GAL3ST4: variants seen among roughly 807,000 people sequenced by gnomAD.
The protein encoded by GAL3ST4 is beta-galactose-3-O-sulfotransferase 4.
A neutral mutation model predicts 31.6 loss-of-function variants in GAL3ST4; 30 were observed. The observed-to-expected ratio is 0.95, with a 90% confidence interval of 0.71 to 1.29. The LOEUF is 1.29. Ranked by LOEUF, GAL3ST4 falls within the 50% of genes most tolerant of loss-of-function variation. The probability of loss-of-function intolerance (pLI) is 0.00; values close to 1 mark genes in which losing one functional copy is unlikely to be tolerated. For missense variants in GAL3ST4, 629 were observed against 625.2 expected, an observed-to-expected ratio of 1.01 and a Z score of -0.06; for synonymous variants, 248 against 256.9, an observed-to-expected ratio of 0.97 and a Z score of 0.33.
Position 100,159,551 on chromosome 7 carries a change from T to G in GAL3ST4, c.*377A>C, listed in dbSNP as rs1451923619. 1 of 178,852 alleles carries G rather than the reference T, an allele frequency of 5.6e-6. No individual in the cohort carries two copies. Among genetic ancestry groups the G allele is most frequent in the Non-Finnish European group, 1.2e-5 (1 of 82,814 alleles). The allele number at this position is 178,852 out of a possible 1,614,324, so 11.1% of individuals were successfully genotyped here. ...CAGCCTAACCAACATGTTGAATCCCTGTCTCTAAAAATATAAAAATTAGCC... is the reference window on the plus strand; with the variant it reads ...CAGCCTAACCAACATGTTGAATCCCGGTCTCTAAAAATATAAAAATTAGCC... On this transcript the variant is annotated 3_prime_UTR_variant, in exon 4 of 4. Coordinates refer to ENST00000360039, the MANE Select transcript of GAL3ST4 (RefSeq NM_024637.5).
In GAL3ST4 at chr7:100,160,200, G is replaced by C; in HGVS notation, c.1189C>G (p.Arg397Gly). ...TTCGCTAGGGCCTCTCGGCGAGCCC[G>C]GAGCTCGGCCACAGCTGTCTGCAGC... is the stretch of plus-strand genomic sequence containing the variant. ...GRLQTAVAELRARREALAKHC... is the reference protein window; with the variant it reads ...GRLQTAVAELGARREALAKHC... Residue 397 changes from arginine (R) to glycine (G), a missense_variant, in exon 4 of 4, where the codon CGG becomes GGG. Physicochemically the swap from Arg to Gly is moderately radical, Grantham distance 125. Coordinates refer to ENST00000360039, the MANE Select transcript of GAL3ST4 (RefSeq NM_024637.5). 3.1e-6 allele frequency: 5 copies of C among 1,614,112 alleles called. No homozygotes were observed. The highest frequency in any genetic ancestry group is 4.2e-6 in the Non-Finnish European group (5 of 1,180,032).
chr7:100,161,745 A>G (rs997809900), intron 3 of GAL3ST4, among the ~76,000 whole-genome samples: 3 of 152,138 alleles, frequency 2.0e-5, no homozygotes, highest in Non-Finnish European at 2.9e-5. Flanking sequence ...ATGGAATACT[A>G]TGCAGCCATA....
chr7:100,165,233 C>T (rs1562955387), intron 3 of GAL3ST4, among the ~76,000 whole-genome samples: 1 of 151,828 alleles, frequency 6.6e-6, no homozygotes, highest in Non-Finnish European at 1.5e-5. Context: ...TGCAGTGGCA[C>T]AATCTCGGCT....
Position 100,160,593 on chromosome 7 carries a change from C to T in GAL3ST4, c.796G>A (p.Val266Ile). 1.2e-6 allele frequency: 2 copies of T among 1,613,788 alleles called. No homozygotes were observed. The highest frequency in any genetic ancestry group is 1.7e-6 in the Non-Finnish European group (2 of 1,180,038). The change falls in exon 4 of 4, where the codon GTT becomes ATT. Residue 266 changes from valine (V) to isoleucine (I), a missense_variant. By Grantham distance (29) the Val-to-Ile change is conservative. Transcript: ENST00000360039. The part of the protein sequence containing the change: ...PNALIHPVST[V>I]TDHRSQISSP... ...GATATCTGGCTGCGATGATCAGTAA[C>T]AGTGGAAACAGGATGGATGAGGGCA...
Position 100,159,882 on chromosome 7 carries a change from C to T in GAL3ST4, c.*46G>A, listed in dbSNP as rs753759543. 6.8e-7 allele frequency: 1 copy of T among 1,473,660 alleles called. No individual in the cohort carries two copies. The highest frequency in any genetic ancestry group is 9.3e-7 in the Non-Finnish European group (1 of 1,077,992). The allele number at this position is 1,473,660 out of a possible 1,614,324, so 91.3% of individuals were successfully genotyped here. A position where few individuals can be genotyped will look rare whatever the true frequency, so the allele number is the denominator to read the frequency against. ...TGCTGCCCCCCACTCATCACATGTG[C>T]CCTTCAAACATGGCTGCTCTTCCAC... On this transcript the variant is annotated 3_prime_UTR_variant, in exon 4 of 4. Coordinates refer to ENST00000360039, the MANE Select transcript of GAL3ST4 (RefSeq NM_024637.5).
In GAL3ST4 at chr7:100,167,190, A is replaced by C; in HGVS notation, c.-95T>G. The C allele has an allele frequency of 6.5e-7, 1 of 1,548,560 alleles. No individual in the cohort carries two copies. On this transcript the variant is annotated 5_prime_UTR_variant, in exon 2 of 4. Coordinates refer to ENST00000360039, the MANE Select transcript of GAL3ST4 (RefSeq NM_024637.5). ...AGACAGCCGTGCAGCTGCGGAAGGC[A>C]CTGGTTGGAGATCGGGGGGTCATTC...
intron 3 of GAL3ST4, among the ~76,000 whole-genome samples, chr7:100,165,533 G>A (rs1435796218): frequency 6.6e-6 from 1 of 152,012 alleles, no homozygotes; most frequent in Non-Finnish European, 1.5e-5. Flanking sequence ...TGGGGCCCTG[G>A]TGTGACAGTG....
At chr7:100,166,911 G>A in intron 2 of GAL3ST4, 60 bp downstream of exon 2, 3 of 1,570,610 alleles carry the variant, frequency 1.9e-6, no homozygotes, top group Non-Finnish European at 2.6e-6. Context: ...AGCCCCAGGT[G>A]GGATGGGGAA....
chr7:100,159,843 C>T lies in GAL3ST4; in HGVS notation c.*85G>A. 7 of 1,167,570 alleles carry T rather than the reference C, an allele frequency of 6.0e-6. No individual in the cohort carries two copies. The highest frequency in any genetic ancestry group is 8.6e-6 in the Non-Finnish European group (7 of 815,544). The allele number at this position is 1,167,570 out of a possible 1,614,324, so 72.3% of individuals were successfully genotyped here. A position where few individuals can be genotyped will look rare whatever the true frequency, so the allele number is the denominator to read the frequency against. On this transcript the variant is annotated 3_prime_UTR_variant, in exon 4 of 4. Transcript: ENST00000360039. ...AAAGACTCATCCCTTCTGGGAGATG[C>T]AGAAATGGCATCTTGCTGCCCCCCA...
At position 100,166,988 on chromosome 7, in the gene GAL3ST4, T is replaced by A. The variant is rs1303880351; in HGVS notation, c.108A>T (p.Gly36=). Residue 36 remains glycine, a synonymous_variant, in exon 2 of 4, where the codon GGA becomes GGT. Transcript: ENST00000360039. The part of the protein sequence containing the change: ...MTIGFALQLL[G]GPFQRRLPGL... Reference sequence around the variant, plus strand: ...GAACTCACCTCCTCTGGAAGGGCCCTCCCAAGAGCTGGAGTGCAAAGCCAA... The same window carrying A: ...GAACTCACCTCCTCTGGAAGGGCCCACCCAAGAGCTGGAGTGCAAAGCCAA... The A allele has an allele frequency of 6.3e-7, 1 of 1,588,344 alleles. No homozygotes were observed. The highest frequency in any genetic ancestry group is 1.8e-5 in the Admixed American group (1 of 54,678).
Position 100,166,545 on chromosome 7 carries a change from G to A in GAL3ST4, c.386C>T (p.Pro129Leu), listed in dbSNP as rs1479748186. The change falls in exon 3 of 4, where the codon CCC (proline) becomes CTC (leucine). Residue 129 changes from proline (P) to leucine (L), a missense_variant. By Grantham distance (98) the Pro-to-Leu change is moderately conservative. Coordinates refer to ENST00000360039, the MANE Select transcript of GAL3ST4 (RefSeq NM_024637.5). ...YRPQGGGTQL[P>L]FHILCHHMRF... ...CATGTGGTGACAGAGGATGTGGAAGGGGAGCTGGGTGCCTCCACCCTGTGG... is the reference window on the plus strand; with the variant it reads ...CATGTGGTGACAGAGGATGTGGAAGAGGAGCTGGGTGCCTCCACCCTGTGG... 1.2e-6 allele frequency: 2 copies of A among 1,614,124 alleles called. No homozygotes were observed. Among genetic ancestry groups the A allele is most frequent in the South Asian group, 1.1e-5 (1 of 91,074 alleles).
At position 100,159,858 on chromosome 7, in the gene GAL3ST4, G is replaced by C; in HGVS notation, c.*70C>G. On this transcript the variant is annotated 3_prime_UTR_variant, in exon 4 of 4. Coordinates refer to ENST00000360039, the MANE Select transcript of GAL3ST4 (RefSeq NM_024637.5). ...CTGGGAGATGCAGAAATGGCATCTTGCTGCCCCCCACTCATCACATGTGCC... is the reference window on the plus strand; with the variant it reads ...CTGGGAGATGCAGAAATGGCATCTTCCTGCCCCCCACTCATCACATGTGCC... 7.7e-7 allele frequency: 1 copy of C among 1,292,626 alleles called. No individual in the cohort carries two copies. The highest frequency in any genetic ancestry group is 1.1e-6 in the Non-Finnish European group (1 of 927,076). 80.1% of individuals were successfully genotyped at this position (1,292,626 alleles called of 1,614,324 possible).
Position 100,160,014 on chromosome 7 carries a change from G to T in GAL3ST4, c.1375C>A (p.Leu459Ile). ...GCATCCAGCTTGTCCTTGTACTGGA[G>T]CTCAGGGGTAGCTAGGCGCTCACAT... ...EECERLATPE[L>I]QYKDKLDAKQ... The change falls in exon 4 of 4, where the codon CTC becomes ATC. Residue 459 changes from leucine to isoleucine, a missense_variant. Leu to Ile is a conservative substitution (Grantham distance 5). Coordinates refer to ENST00000360039, the MANE Select transcript of GAL3ST4 (RefSeq NM_024637.5). The T allele has an allele frequency of 2.5e-6, 4 of 1,614,096 alleles. No homozygotes were observed. The highest frequency in any genetic ancestry group is 3.4e-6 in the Non-Finnish European group (4 of 1,179,998).
chr7:100,165,848 C>CACACACAT (rs1799064621), intron 3 of GAL3ST4, among the ~76,000 whole-genome samples: 1 of 151,426 alleles, frequency 6.6e-6, no homozygotes. Flanking sequence ...CACACACACA[C>CACACACAT]ACACACACAC....
chr7:100,163,279 A>T (rs1161728589), intron 3 of GAL3ST4, among the ~76,000 whole-genome samples: 1 of 152,136 alleles, frequency 6.6e-6, no homozygotes, highest in African/African-American at 2.4e-5. Flanking sequence ...TGCAAGAATG[A>T]AGGTGGAGAT....
In GAL3ST4 at chr7:100,166,516, A is replaced by C. The variant is rs1799075950; in HGVS notation, c.415T>G (p.Phe139Val). 1 of 1,612,802 alleles carries C rather than the reference A, an allele frequency of 6.2e-7. No individual in the cohort carries two copies. Among genetic ancestry groups the C allele is most frequent in the African/African-American group, 1.3e-5 (1 of 74,852 alleles). The change falls in exon 3 of 4, where the codon TTC becomes GTC. Residue 139 changes from phenylalanine (F) to valine (V), a missense_variant. By Grantham distance (50) the Phe-to-Val change is conservative. Transcript: ENST00000360039. ...ACACTCCTTACCTCTTTCAGGTTGA[A>C]CCTCATGTGGTGACAGAGGATGTGG... Reference protein sequence around the residue: ...PFHILCHHMRFNLKEVLQVMP... With the variant: ...PFHILCHHMRVNLKEVLQVMP...
chr7:100,166,906 C>A, intron 2 of GAL3ST4, 65 bp downstream of exon 2: 1 of 1,566,656 alleles, frequency 6.4e-7, no homozygotes, highest in Non-Finnish European at 8.7e-7. Context: ...TCACCAGCCC[C>A]AGGTGGGATG....
chr7:100,166,442 G>T, intron 3 of GAL3ST4, 60 bp downstream of exon 3: 2 of 1,519,838 alleles, frequency 1.3e-6, no homozygotes, highest in Non-Finnish European at 1.8e-6. Context: ...CCCCTCCCTT[G>T]GTGGTGTCAG....
At chr7:100,162,039 G>A (rs968708432) in intron 3 of GAL3ST4, among the ~76,000 whole-genome samples, 1 of 152,112 alleles carries the variant, frequency 6.6e-6, no homozygotes, top group African/African-American at 2.4e-5. Flanking sequence ...CCTAGATGAT[G>A]TGTTGATCAG....
Sources: gnomAD v4.1 joint callset for allele counts (sites outside exome capture counted in the v4.1 genomes callset) on GRCh38, gnomAD v4.1.1 for gene constraint, MANE v1.5 for transcripts, NCBI Gene and HGNC (gene_info 2026-07-23, HGNC 2026-07-21) for gene names.